Variants in WDFY4 observed in about 807,000 individuals in gnomAD.
The protein encoded by WDFY4 is WD repeat- and FYVE domain-containing protein 4.
A neutral mutation model predicts 351.9 loss-of-function variants in WDFY4; 169 were observed. That is an observed-to-expected ratio of 0.48 (90% CI 0.42 to 0.55). WDFY4 has a LOEUF of 0.55. WDFY4 is among the 20% of genes least tolerant of loss of function. The pLI is 0.00. For synonymous variants in WDFY4, 1,622 were observed against 1,574.6 expected, an observed-to-expected ratio of 1.03 and a Z score of -0.71; for missense variants, 3,803 against 3,935.6, an observed-to-expected ratio of 0.97 and a Z score of 0.90.
At chr10:48,803,473 A>G (rs2132854693) in intron 25 of WDFY4, 114 bp downstream of exon 25, 2 of 985,536 alleles carry the variant, frequency 2.0e-6, no homozygotes, top group Non-Finnish European at 1.5e-6. Context: ...GGGTCCCCAA[A>G]TGGGAGCACA....
intron 1 of WDFY4, among the ~76,000 whole-genome samples, chr10:48,704,639 C>A (rs1241067066): frequency 6.6e-6 from 1 of 152,196 alleles, no homozygotes; most frequent in Non-Finnish European, 1.5e-5. Flanking sequence ...CATCCTCAGC[C>A]CCAAGCAGCC....
intron 19 of WDFY4, among the ~76,000 whole-genome samples, chr10:48,783,908 T>C (rs1171168157): frequency 6.6e-6 from 1 of 152,258 alleles, no homozygotes; most frequent in Admixed American, 6.5e-5. Flanking sequence ...TATTATCTGA[T>C]GGACCACCAT....
chr10:48,805,177 T>C, intron 25 of WDFY4, 83 bp from the exon 26 acceptor site: 1 of 1,468,776 alleles, frequency 6.8e-7, no homozygotes, highest in African/African-American at 1.4e-5. Context: ...CAAGCCTGGC[T>C]TGAAAAACCT....
intron 29 of WDFY4, among the ~76,000 whole-genome samples, chr10:48,811,075 C>T (rs2067429091): frequency 6.6e-6 from 1 of 152,242 alleles, no homozygotes; most frequent in Non-Finnish European, 1.5e-5. Flanking sequence ...TCAAATGCCA[C>T]TTCCTCCAGG....
chr10:48,833,787 G>T (rs1309681823), intron 39 of WDFY4, among the ~76,000 whole-genome samples: 1 of 152,232 alleles, frequency 6.6e-6, no homozygotes, highest in African/African-American at 2.4e-5. Flanking sequence ...TCCCCAGTGG[G>T]ATAAATAACT....
At chr10:48,705,825 C>A (rs1323627195) in intron 1 of WDFY4, among the ~76,000 whole-genome samples, 1 of 152,218 alleles carries the variant, frequency 6.6e-6, no homozygotes, top group African/African-American at 2.4e-5. Flanking sequence ...CCCCACCCAT[C>A]GCAGTTCCAT....
At chr10:48,699,569 G>T (rs745976432) in intron 1 of WDFY4, among the ~76,000 whole-genome samples, 1 of 152,178 alleles carries the variant, frequency 6.6e-6, no homozygotes. Flanking sequence ...GTGAGTTGCA[G>T]GCTCCTGCTC....
intron 16 of WDFY4, 93 bp from the exon 17 acceptor site, chr10:48,777,326 G>A: frequency 1.7e-6 from 2 of 1,192,042 alleles, no homozygotes; most frequent in Non-Finnish European, 2.4e-6. Flanking sequence ...CGGCAGGAGG[G>A]TAGAGTGGGA....
chr10:48,874,085 G>A (rs1014966076), intron 41 of WDFY4, among the ~76,000 whole-genome samples: 30 of 152,148 alleles, frequency 2.0e-4, no homozygotes, highest in Non-Finnish European at 4.3e-4. Context: ...TTGTTATTGG[G>A]CAGTTGTAAC....
chr10:48,982,805 G>C lies in WDFY4; in HGVS notation c.*230G>C. 1.7e-6 allele frequency: 1 copy of C among 581,310 alleles called. No homozygotes were observed. Among genetic ancestry groups the C allele is most frequent in the Non-Finnish European group, 3.3e-6 (1 of 299,182 alleles). The allele number at this position is 581,310 out of a possible 1,614,324, so 36.0% of individuals were successfully genotyped here. On this transcript the variant is annotated 3_prime_UTR_variant, in exon 62 of 62. Transcript: ENST00000325239. The stretch of plus-strand genomic sequence containing the variant: ...ACTCGGAGGGCTGAGCAGCACGCTG[G>C]AAACTGTGACTTGGTGATGCCCAGC...
chr10:48,709,996 G>A, intron 2 of WDFY4, 30 bp downstream of exon 2: 2 of 1,523,788 alleles, frequency 1.3e-6, no homozygotes, highest in Non-Finnish European at 1.8e-6. Context: ...AAACTGTAAG[G>A]TGATAGGCGC....
intron 47 of WDFY4, among the ~76,000 whole-genome samples, chr10:48,915,635 C>T (rs1352787259): frequency 1.4e-4 from 21 of 152,124 alleles, no homozygotes; most frequent in Non-Finnish European, 4.4e-5. Flanking sequence ...GTTTTCCTCA[C>T]CCAGTGTCAA....
intron 51 of WDFY4, among the ~76,000 whole-genome samples, chr10:48,956,665 G>T (rs1027362487): frequency 2.0e-5 from 3 of 152,094 alleles, no homozygotes; most frequent in African/African-American, 7.2e-5. Flanking sequence ...CTCCCACATA[G>T]AAGGTTCACC....
Position 48,796,734 on chromosome 10 carries a change from C to G in WDFY4, c.4410+284C>G, listed in dbSNP as rs145153063. On this transcript the variant is annotated intron_variant, in intron 24 of 61. Coordinates refer to ENST00000325239, the MANE Select transcript of WDFY4 (RefSeq NM_001394531.1). ...TTGCAGGCTGTCATGAGGGTTAAGC[C>G]AGATAGTATCTGGGAAAGGATTTTT... Among the ~76,000 whole-genome samples the G allele has an allele frequency of 6.6e-5, 10 of 152,282 alleles. 1 individual carries two copies. The South Asian group carries it at 1.0e-3, about 16-fold the overall frequency.
intron 60 of WDFY4, among the ~76,000 whole-genome samples, chr10:48,980,296 AC>A (rs66694761): frequency 0.41 from 62,520 of 151,796 alleles, 13,985 homozygotes; most frequent in East Asian, 0.66. Context: ...TGTTGTTCTT[AC>A]ATTGCTCAAA....
chr10:48,914,166 T>C (rs973380555), intron 47 of WDFY4: 2 of 1,608,010 alleles, frequency 1.2e-6, no homozygotes, highest in Admixed American at 1.7e-5. Flanking sequence ...GTTCTTTTAG[T>C]AAGGGAGTGT....
chr10:48,982,550 T>TC lies in WDFY4; in HGVS notation c.9530_9531insC (p.Phe3178IlefsTer32). 6.5e-7 allele frequency: 1 copy of TC among 1,543,784 alleles called. No individual in the cohort carries two copies. The highest frequency in any genetic ancestry group is 8.8e-7 in the Non-Finnish European group (1 of 1,142,312). On this transcript the variant is annotated frameshift_variant, in exon 62 of 62. Transcript: ENST00000325239. LOFTEE classifies it high-confidence loss of function. ...CTGGTTGGTGATGAGAGGGGGAGAATATTCTGCTGGTCTGCAGATGGGTAG... is the reference window on the plus strand; with the variant it reads ...CTGGTTGGTGATGAGAGGGGGAGAATCATTCTGCTGGTCTGCAGATGGGTAG...
intron 47 of WDFY4, chr10:48,932,692 A>T (rs1455630000): frequency 6.6e-6 from 1 of 152,048 alleles, no homozygotes; most frequent in African/African-American, 2.4e-5. Context: ...ACCAAGGAGC[A>T]TTTCAGTTGG....
intron 24 of WDFY4, chr10:48,801,480 G>A (rs1414081934): frequency 2.2e-6 from 1 of 456,408 alleles, no homozygotes; most frequent in Non-Finnish European, 4.4e-6. Context: ...TATCCTAAGT[G>A]TGCAGGGCTC....
Sources: gnomAD v4.1 joint callset for allele counts (sites outside exome capture counted in the v4.1 genomes callset) on GRCh38, gnomAD v4.1.1 for gene constraint, MANE v1.5 for transcripts, NCBI Gene and HGNC (gene_info 2026-07-23, HGNC 2026-07-21) for gene names.